The following KAZN variants were observed in gnomAD, a reference collection of about 807,000 sequenced individuals.
KAZN encodes kazrin, periplakin interacting protein, also known as kazrin.
In KAZN, 40 loss-of-function variants were observed where a neutral mutation model predicts 87.4. The observed-to-expected ratio is 0.46, with a 90% CI of 0.36 to 0.60. The LOEUF (loss-of-function observed/expected upper bound fraction) is 0.60, where lower values mean the gene tolerates loss of function less well. KAZN is among the 20% of genes least tolerant of loss of function. The pLI is 0.00. For synonymous variants in KAZN, 466 were observed against 458.3 expected (o/e 1.02, Z -0.22); for missense variants, 898 against 1,073.9 (o/e 0.84, Z 2.29).
chr1:14,503,665 G>A (rs905739291), intron 2 of KAZN, among the ~76,000 whole-genome samples: 5 of 151,260 alleles, frequency 3.3e-5, no homozygotes, highest in Non-Finnish European at 4.4e-5. Flanking sequence ...GACATTCACC[G>A]TCTCCCATGT....
chr1:14,200,216 CCATTAAACG>C (rs1646610649), intron 2 of KAZN, among the ~76,000 whole-genome samples: 1 of 151,886 alleles, frequency 6.6e-6, no homozygotes. Flanking sequence ...TACCCTAGAA[CCATTAAACG>C]CAATTAGGTA....
intron 1 of KAZN, among the ~76,000 whole-genome samples, chr1:14,604,696 A>C (rs1487967711): frequency 2.0e-5 from 3 of 152,162 alleles, no homozygotes; most frequent in Admixed American, 6.5e-5. Flanking sequence ...ATTGGGGCTA[A>C]ATTTATTCTG....
At chr1:15,093,533 TTGTC>T (rs997383753) in intron 8 of KAZN, among the ~76,000 whole-genome samples, 5 of 152,072 alleles carry the variant, frequency 3.3e-5, no homozygotes, top group Admixed American at 6.5e-5. Context: ...ATTCGTGCCT[TTGTC>T]TGGCCCAGTG....
intron 1 of KAZN, among the ~76,000 whole-genome samples, chr1:14,787,820 G>T (rs115393604): frequency 1.1e-4 from 16 of 152,164 alleles, no homozygotes; most frequent in African/African-American, 1.4e-4. Flanking sequence ...ATAGCCCAGG[G>T]AGGTGATGGT....
In KAZN at chr1:14,073,542, C is replaced by T. The variant is rs149438156; in HGVS notation, c.92-106893C>T. 3.9e-3 allele frequency among the ~76,000 whole-genome samples: 589 copies of T among 152,210 alleles called. 2 individuals carry two copies. Among genetic ancestry groups the T allele is most frequent in the African/African-American group, 0.014 (571 of 41,522 alleles). On this transcript the variant is annotated intron_variant, in intron 1 of 16. Coordinates refer to the KAZN transcript ENST00000636203. ...ATTAGGTATTTCTCCTAATGCTATCCCTTCCCTAGCCCCCCACCCCCAAAC... is the reference window on the plus strand; with the variant it reads ...ATTAGGTATTTCTCCTAATGCTATCTCTTCCCTAGCCCCCCACCCCCAAAC...
chr1:15,034,693 G>A, intron 2 of KAZN, 56 bp from the exon 3 acceptor site: 2 of 1,603,240 alleles, frequency 1.2e-6, no homozygotes, highest in South Asian at 2.2e-5. Context: ...TCAGCACTCA[G>A]GCATCTGGAG....
chr1:14,941,584 T>C (rs1250711499), intron 1 of KAZN, among the ~76,000 whole-genome samples: 2 of 152,044 alleles, frequency 1.3e-5, no homozygotes, highest in Non-Finnish European at 2.9e-5. Context: ...GGTTCCGGTT[T>C]TTTTTACCCT....
At chr1:14,365,200 T>TG (rs1387286879) in intron 2 of KAZN, among the ~76,000 whole-genome samples, 9 of 152,162 alleles carry the variant, frequency 5.9e-5, no homozygotes, top group African/African-American at 2.2e-4. Context: ...CCCGCCACCA[T>TG]GCCTGGCTAA....
chr1:13,961,203 T>C (rs574754949), intron 1 of KAZN, among the ~76,000 whole-genome samples: 3 of 152,220 alleles, frequency 2.0e-5, no homozygotes, highest in Admixed American at 6.5e-5. Context: ...GGAGTCTCTG[T>C]GTGTTGAACA....
chr1:14,247,558 G>T (rs1649628527), intron 2 of KAZN, among the ~76,000 whole-genome samples: 1 of 152,186 alleles, frequency 6.6e-6, no homozygotes, highest in Admixed American at 6.5e-5. Context: ...TGAGGATGAT[G>T]GCTTCCAGCT....
intron 1 of KAZN, among the ~76,000 whole-genome samples, chr1:14,172,774 T>C (rs994591711): frequency 1.3e-5 from 2 of 152,230 alleles, no homozygotes; most frequent in Non-Finnish European, 2.9e-5. Flanking sequence ...CTGGATTTCT[T>C]GGCCCTTCTC....
Position 14,491,611 on chromosome 1 carries a change from C to T in KAZN, c.250-107372C>T, listed in dbSNP as rs760154413. Reference sequence around the variant, plus strand: ...ATGATGGTAGTTGCTGGTTTTAGCTCGATATTATTTGTCATGCTGATTAAG... The same window carrying T: ...ATGATGGTAGTTGCTGGTTTTAGCTTGATATTATTTGTCATGCTGATTAAG... On this transcript the variant is annotated intron_variant, in intron 2 of 16. Coordinates refer to the KAZN transcript ENST00000636203. 3.3e-5 allele frequency among the ~76,000 whole-genome samples: 5 copies of T among 152,188 alleles called. No individual in the cohort carries two copies. The South Asian group carries it at 8.3e-4, about 25-fold the overall frequency.
intron 2 of KAZN, among the ~76,000 whole-genome samples, chr1:14,235,449 C>A (rs1019988797): frequency 1.3e-5 from 2 of 152,004 alleles, no homozygotes; most frequent in African/African-American, 4.8e-5. Flanking sequence ...TGGTTGTCAG[C>A]GGAGGGGGGA....
chr1:14,381,804 T>G (rs1043092796), intron 2 of KAZN, among the ~76,000 whole-genome samples: 1 of 152,056 alleles, frequency 6.6e-6, no homozygotes, highest in Admixed American at 6.6e-5. Flanking sequence ...TTATTCAAAA[T>G]AGTACTGGAA....
At chr1:14,704,523 G>A (rs570464685) in intron 1 of KAZN, among the ~76,000 whole-genome samples, 9 of 152,324 alleles carry the variant, frequency 5.9e-5, no homozygotes, top group Admixed American at 5.9e-4. Context: ...CACCTTGTAG[G>A]AAGCTGGTGT....
At chr1:14,693,619 C>T (rs1641444015) in intron 1 of KAZN, among the ~76,000 whole-genome samples, 1 of 152,182 alleles carries the variant, frequency 6.6e-6, no homozygotes, top group Admixed American at 6.5e-5. Flanking sequence ...CCTCTTCTTC[C>T]ATAAACCGTC....
chr1:14,738,444 G>A (rs962335873), intron 1 of KAZN, among the ~76,000 whole-genome samples: 1 of 152,046 alleles, frequency 6.6e-6, no homozygotes, highest in Non-Finnish European at 1.5e-5. Context: ...GGCAGCCCTT[G>A]TATATCTCGT....
At chr1:14,418,592 CCT>C (rs1665038160) in intron 2 of KAZN, among the ~76,000 whole-genome samples, 1 of 152,128 alleles carries the variant, frequency 6.6e-6, no homozygotes, top group East Asian at 1.9e-4. Context: ...AATGAGTTTG[CCT>C]CTAGATAGCA....
chr1:14,267,359 C>CAAAAA (rs61641430), intron 2 of KAZN, among the ~76,000 whole-genome samples: 6 of 64,738 alleles, frequency 9.3e-5, no homozygotes, highest in African/African-American at 2.2e-4. Context: ...AGCCGATAAG[C>CAAAAA]AAAAAAAAAA....
Sources: gnomAD v4.1 joint callset for allele counts (sites outside exome capture counted in the v4.1 genomes callset) on GRCh38, gnomAD v4.1.1 for gene constraint, MANE v1.5 for transcripts, NCBI Gene and HGNC (gene_info 2026-07-23, HGNC 2026-07-21) for gene names.